The following TDRD9 variants were observed in gnomAD, a reference collection of about 807,000 sequenced individuals.
TDRD9 encodes ATP-dependent RNA helicase TDRD9.
In TDRD9, 124 loss-of-function variants were observed where a neutral mutation model predicts 172.6. That is an observed-to-expected ratio of 0.72 (90% CI 0.62 to 0.83). The LOEUF is 0.83. Among genes scored for constraint, TDRD9 ranks in the 40% least tolerant of loss-of-function variants. TDRD9 has a pLI of 0.00. For synonymous variants in TDRD9, 619 were observed against 617.1 expected (o/e 1.00, Z -0.05); for missense variants, 1,479 against 1,714.1 (o/e 0.86, Z 2.42).
At chr14:103,942,199 A>G (rs1157691720) in intron 1 of TDRD9, 1 of 153,536 alleles carries the variant, frequency 6.5e-6, no homozygotes, top group African/African-American at 2.4e-5. Context: ...TGTCCTCTGT[A>G]GAAGGAATGC....
intron 24 of TDRD9, 135 bp downstream of exon 24, chr14:104,022,465 C>T (rs557275378): frequency 2.4e-5 from 22 of 907,596 alleles, no homozygotes; most frequent in Middle Eastern, 2.5e-4. Flanking sequence ...TGGGGGCTCA[C>T]GCCACTCATC....
At chr14:103,973,266 TA>T (rs1187574703) in intron 6 of TDRD9, among the ~76,000 whole-genome samples, 2 of 152,150 alleles carry the variant, frequency 1.3e-5, no homozygotes, top group African/African-American at 4.8e-5. Context: ...AAGAGGTTTT[TA>T]AAAAACTCTC....
intron 4 of TDRD9, 38 bp downstream of exon 4, chr14:103,965,592 C>A: frequency 6.7e-7 from 1 of 1,498,654 alleles, no homozygotes; most frequent in Non-Finnish European, 9.1e-7. Context: ...AGAGAGCCAG[C>A]TGTCTCTCTA....
At chr14:104,045,555 AT>A (rs1386528538) in intron 34 of TDRD9, among the ~76,000 whole-genome samples, 1 of 152,146 alleles carries the variant, frequency 6.6e-6, no homozygotes, top group Admixed American at 6.5e-5. Flanking sequence ...TTGTCTTCTT[AT>A]TTTAATGATG....
At chr14:103,996,565 G>A (rs1261519029) in intron 12 of TDRD9, among the ~76,000 whole-genome samples, 3 of 152,170 alleles carry the variant, frequency 2.0e-5, no homozygotes, top group South Asian at 2.1e-4. Context: ...AATGAGGAGC[G>A]AGCTATGCAA....
chr14:103,989,087 CTTTA>C (rs1334057642), intron 8 of TDRD9, among the ~76,000 whole-genome samples: 2 of 152,006 alleles, frequency 1.3e-5, no homozygotes, highest in African/African-American at 4.8e-5. Context: ...CTGGGACAGT[CTTTA>C]TTTAGTCTTC....
In TDRD9 at chr14:103,997,185, A is replaced by G. The variant is rs2034087349; in HGVS notation, c.1378+1378A>G. Reference sequence around the variant, plus strand: ...TTCACTTAACAGGATTTCTCTGGGAATAGACTAGAATGAGGCAAAGGAGAG... The same window carrying G: ...TTCACTTAACAGGATTTCTCTGGGAGTAGACTAGAATGAGGCAAAGGAGAG... On this transcript the variant is annotated intron_variant, in intron 12 of 35. Coordinates refer to ENST00000409874, the MANE Select transcript of TDRD9 (RefSeq NM_153046.3). This position sits in a 1 kb window ranked among gnomAD's most constrained non-coding sequence, Gnocchi z 5.1. Among the ~76,000 whole-genome samples the G allele has an allele frequency of 6.6e-6, 1 of 152,222 alleles. No individual in the cohort carries two copies. The highest frequency in any genetic ancestry group is 2.1e-4 in the South Asian group (1 of 4,830).
intron 1 of TDRD9, among the ~76,000 whole-genome samples, chr14:103,948,270 A>T (rs2031678074): frequency 6.6e-6 from 1 of 151,506 alleles, no homozygotes; most frequent in African/African-American, 2.4e-5. Context: ...TCCCACCTTC[A>T]CCTCCCAAAG....
chr14:103,967,388 G>A (rs897497374), intron 5 of TDRD9, among the ~76,000 whole-genome samples: 2 of 149,188 alleles, frequency 1.3e-5, no homozygotes, highest in African/African-American at 2.5e-5. Context: ...AGCTGGGTGC[G>A]GTGGCACACA....
chr14:104,018,176 G>T lies in TDRD9; in HGVS notation c.2416G>T (p.Val806Leu). 6.3e-7 allele frequency: 1 copy of T among 1,591,778 alleles called. No homozygotes were observed. Among genetic ancestry groups the T allele is most frequent in the Non-Finnish European group, 8.6e-7 (1 of 1,162,748 alleles). Residue 806 changes from valine to leucine, a missense_variant, in exon 23 of 36, where the codon GTA becomes TTA. Around this residue, in one of 3 missense-constraint regions of TDRD9, gnomAD observed 1,413 missense variants for 1,649.1 expected, o/e 0.86. Transcript: ENST00000409874. ...ACAGTGTGGTCAAGTCAAATCCATT[G>T]TATTTGATGGTGCAAAGTAAGTATA... is the stretch of plus-strand genomic sequence containing the variant. ...FRQCGQVKSI[V>L]FDGAKAFVEF...
chr14:103,968,992 C>T (rs777870652), intron 5 of TDRD9, among the ~76,000 whole-genome samples: 15 of 147,886 alleles, frequency 1.0e-4, no homozygotes, highest in Admixed American at 3.4e-4. Flanking sequence ...CCCAGCTACT[C>T]GGGAGGCTGA....
chr14:104,028,845 T>C (rs2035199503), intron 28 of TDRD9, among the ~76,000 whole-genome samples: 1 of 152,228 alleles, frequency 6.6e-6, no homozygotes, highest in Admixed American at 6.5e-5. Flanking sequence ...CCATTTTGAG[T>C]TGATTTTTGT....
chr14:103,928,739 G>T lies in TDRD9; in HGVS notation c.215+15G>T, dbSNP rs1349830183. ...GCGTTCGAAAGGTAGGACGCGGGCG[G>T]GGCGGAGGCGGCTGGAGGGCGGCCG... On this transcript the variant is annotated intron_variant, in intron 1 of 35. Coordinates refer to ENST00000409874, the MANE Select transcript of TDRD9 (RefSeq NM_153046.3). 2 of 1,065,788 alleles carry T rather than the reference G, an allele frequency of 1.9e-6. No individual in the cohort carries two copies. Among genetic ancestry groups the T allele is most frequent in the East Asian group, 8.2e-5 (2 of 24,302 alleles). 66.0% of individuals were successfully genotyped at this position (1,065,788 alleles called of 1,614,324 possible).
chr14:103,933,906 C>T (rs1339185522), intron 1 of TDRD9, among the ~76,000 whole-genome samples: 2 of 152,198 alleles, frequency 1.3e-5, no homozygotes, highest in Non-Finnish European at 2.9e-5. Context: ...GTGTGTTGGA[C>T]TCCAAGGCAT....
intron 21 of TDRD9, 73 bp from the exon 22 acceptor site, chr14:104,015,908 T>G: frequency 2.5e-5 from 27 of 1,081,490 alleles, no homozygotes; most frequent in Non-Finnish European, 3.4e-5. Context: ...CATGCTGGGT[T>G]GAGATTAGTA....
intron 1 of TDRD9, 32 bp downstream of exon 1, chr14:103,928,756 G>A: frequency 1.1e-6 from 1 of 911,764 alleles, no homozygotes; most frequent in African/African-American, 1.8e-5. Context: ...GGCGGCTGGA[G>A]GGCGGCCGGG....
chr14:104,028,985 C>G (rs557338976), intron 28 of TDRD9, among the ~76,000 whole-genome samples: 6 of 152,220 alleles, frequency 3.9e-5, no homozygotes, highest in African/African-American at 7.2e-5. Flanking sequence ...AAATCAGTTG[C>G]CTGTAAATGC....
At chr14:103,962,636 C>T (rs906096339) in intron 2 of TDRD9, among the ~76,000 whole-genome samples, 2 of 152,100 alleles carry the variant, frequency 1.3e-5, no homozygotes, top group African/African-American at 4.8e-5. Context: ...TTGCCCCTCC[C>T]TCCCTCTTCT....
chr14:103,959,455 C>CGTGTGT (rs151216232), intron 2 of TDRD9, among the ~76,000 whole-genome samples: 8,966 of 143,932 alleles, frequency 0.062, 752 homozygotes, highest in African/African-American at 0.18. Context: ...GTCAGGTTAT[C>CGTGTGT]GTGTGTGTGT....
Sources: gnomAD v4.1 joint callset for allele counts (sites outside exome capture counted in the v4.1 genomes callset) on GRCh38, gnomAD v4.1.1 for gene constraint, gnomAD v4.1.1 regional missense constraint, Gnocchi (gnomAD v3.1) non-coding constraint, MANE v1.5 for transcripts, NCBI Gene and HGNC (gene_info 2026-07-23, HGNC 2026-07-21) for gene names.